TMEM154: variants seen among roughly 807,000 people sequenced by gnomAD.
TMEM154 encodes transmembrane protein 154.
Under a neutral mutation model 24.5 loss-of-function variants are expected in TMEM154, and 27 were observed. The observed-to-expected ratio is 1.10, with a 90% confidence interval of 0.81 to 1.52. The LOEUF (loss-of-function observed/expected upper bound fraction) is 1.52. Ranked by LOEUF, TMEM154 falls within the 40% of genes most tolerant of loss-of-function variation. The pLI, the probability that TMEM154 is intolerant of heterozygous loss-of-function variation, is 0.00. For synonymous variants in TMEM154, 67 were observed against 76.8 expected (o/e 0.87, Z 0.67); for missense variants, 228 against 213.4 (o/e 1.07, Z -0.43).
intron 1 of TMEM154, among the ~76,000 whole-genome samples, chr4:152,657,330 A>G (rs946830936): frequency 2.0e-5 from 3 of 151,674 alleles, no homozygotes; most frequent in Non-Finnish European, 4.4e-5. Context: ...ACTGGGCAAC[A>G]TGGCAAAACT....
chr4:152,629,672 A>C (rs1751995269), intron 6 of TMEM154, among the ~76,000 whole-genome samples: 1 of 152,146 alleles, frequency 6.6e-6, no homozygotes, highest in Non-Finnish European at 1.5e-5. Context: ...TGATCGACAG[A>C]TCTGGTATCT....
At position 152,677,289 on chromosome 4, in the gene TMEM154, GTGCTGGTCTCATGCAAC is replaced by G. The variant is rs1355840727; in HGVS notation, c.64+2564_64+2580del. On this transcript the variant is annotated intron_variant, in intron 1 of 6. Coordinates refer to ENST00000304385, the MANE Select transcript of TMEM154 (RefSeq NM_152680.3). Reference sequence around the variant, plus strand: ...AGAGGTCGCTGACTCAGAGGTAACAGTGCTGGTCTCATGCAACTGCAGATATTATCTCATGTTGCCTG... The same window carrying G: ...AGAGGTCGCTGACTCAGAGGTAACAGTGCAGATATTATCTCATGTTGCCTG... 5.3e-5 allele frequency among the ~76,000 whole-genome samples: 8 copies of G among 152,322 alleles called. 1 individual carries two copies. Among genetic ancestry groups the G allele is most frequent in the African/African-American group, 1.4e-4 (6 of 41,556 alleles).
chr4:152,655,399 C>A (rs1728470996), intron 1 of TMEM154, among the ~76,000 whole-genome samples: 1 of 152,220 alleles, frequency 6.6e-6, no homozygotes, highest in Admixed American at 6.5e-5. Context: ...GTACACTGTG[C>A]AATGGCATTG....
intron 3 of TMEM154, among the ~76,000 whole-genome samples, chr4:152,644,706 A>AT (rs559744715): frequency 8.9e-4 from 135 of 152,252 alleles, no homozygotes; most frequent in African/African-American, 3.0e-3. Flanking sequence ...ATCCGTCTTT[A>AT]TTTTTTACAT....
Position 152,622,835 on chromosome 4 carries a change from C to T in TMEM154, c.*5711G>A, listed in dbSNP as rs566154472. 1 of 152,174 alleles carries T rather than the reference C, an allele frequency of 6.6e-6. No individual in the cohort carries two copies. Among genetic ancestry groups the T allele is most frequent in the East Asian group, 1.9e-4 (1 of 5,192 alleles). 9.4% of individuals were successfully genotyped at this position (152,174 alleles called of 1,614,324 possible). ...TAGTTCTAATCCGTAGCAATGGGAC[C>T]ATTTCTTTTTCTTTTCTTTGAGACA... On this transcript the variant is annotated 3_prime_UTR_variant, in exon 7 of 7. Coordinates refer to ENST00000304385, the MANE Select transcript of TMEM154 (RefSeq NM_152680.3).
chr4:152,651,886 C>T (rs572786299), intron 3 of TMEM154, among the ~76,000 whole-genome samples: 1 of 152,228 alleles, frequency 6.6e-6, no homozygotes, highest in East Asian at 1.9e-4. Flanking sequence ...GACTCTTCTT[C>T]CATTTGAACA....
chr4:152,641,921 TTTTTTTTTTTTTTTTTG>T (rs1374684330), intron 5 of TMEM154, among the ~76,000 whole-genome samples: 22 of 122,272 alleles, frequency 1.8e-4, no homozygotes, highest in Non-Finnish European at 3.5e-4. Flanking sequence ...TTTTTTTTTT[TTTTTTTTTTTTTTTTTG>T]TTGAGATGGA....
intron 1 of TMEM154, among the ~76,000 whole-genome samples, chr4:152,673,823 G>T (rs535850873): frequency 6.6e-6 from 1 of 151,680 alleles, no homozygotes; most frequent in Non-Finnish European, 1.5e-5. Flanking sequence ...ATTTTGTTTT[G>T]TTTTGTTTTT....
chr4:152,673,003 T>C (rs1389023291), intron 1 of TMEM154, among the ~76,000 whole-genome samples: 1 of 152,224 alleles, frequency 6.6e-6, no homozygotes, highest in African/African-American at 2.4e-5. Flanking sequence ...CCATGGGTCT[T>C]AGTTTGCTGA....
At chr4:152,672,090 T>TAAAAAAA (rs11290618) in intron 1 of TMEM154, among the ~76,000 whole-genome samples, 1 of 101,918 alleles carries the variant, frequency 9.8e-6, no homozygotes, top group Non-Finnish European at 2.1e-5. Context: ...CCTATCTCTA[T>TAAAAAAA]AAAAAAAAAA....
intron 1 of TMEM154, among the ~76,000 whole-genome samples, chr4:152,665,768 G>C (rs1310955168): frequency 6.6e-6 from 1 of 151,630 alleles, no homozygotes; most frequent in Non-Finnish European, 1.5e-5. Context: ...AATAGGTCTG[G>C]GAGGGGGCCC....
rs1554013049 is a variant in TMEM154 at position 152,661,341 on chromosome 4, T to TCTCTCTCC, written c.65-8415_65-8414insGGAGAGAG. ...CTCTCTCTCTCTCTCTCTCTCTCTCTCCCCCCAACTCTATGATAGCTTCAA... is the reference window on the plus strand; with the variant it reads ...CTCTCTCTCTCTCTCTCTCTCTCTCTCTCTCTCCCCCCCCAACTCTATGATAGCTTCAA... On this transcript the variant is annotated intron_variant, in intron 1 of 6. Coordinates refer to ENST00000304385, the MANE Select transcript of TMEM154 (RefSeq NM_152680.3). 6.1e-4 allele frequency among the ~76,000 whole-genome samples: 67 copies of TCTCTCTCC among 109,228 alleles called. 1 individual carries two copies. The highest frequency in any genetic ancestry group is 2.2e-3 in the African/African-American group (65 of 28,976). 71.7% of individuals were successfully genotyped at this position (109,228 alleles called of 152,430 possible). A position where few individuals can be genotyped will look rare whatever the true frequency, so the allele number is the denominator to read the frequency against.
chr4:152,631,793 CTTTTTTTTTTTTTTTTTT>C (rs34455123), intron 6 of TMEM154, among the ~76,000 whole-genome samples: 1 of 61,356 alleles, frequency 1.6e-5, no homozygotes, highest in Non-Finnish European at 2.8e-5. Flanking sequence ...ATCTATCCCC[CTTTTTTTTTTTTTTTTTT>C]TTTTTTTTTT....
At chr4:152,635,334 TAAAAG>T (rs1490974127) in intron 6 of TMEM154, among the ~76,000 whole-genome samples, 1 of 152,206 alleles carries the variant, frequency 6.6e-6, no homozygotes, top group Non-Finnish European at 1.5e-5. Flanking sequence ...AACAAAATAA[TAAAAG>T]AGAATGAAAA....
chr4:152,661,580 A>G (rs191560964), intron 1 of TMEM154, among the ~76,000 whole-genome samples: 26 of 152,154 alleles, frequency 1.7e-4, no homozygotes, highest in African/African-American at 6.3e-4. Flanking sequence ...CATTTCCTCA[A>G]GCATAGGTGA....
intron 1 of TMEM154, among the ~76,000 whole-genome samples, chr4:152,661,289 TCTCTC>T (rs1728598279): frequency 2.2e-5 from 1 of 46,432 alleles, no homozygotes; most frequent in African/African-American, 6.6e-5. Context: ...TCTCTTTCTC[TCTCTC>T]TCTCTCTCTC....
At chr4:152,678,441 G>A (rs1015279847) in intron 1 of TMEM154, among the ~76,000 whole-genome samples, 5 of 151,924 alleles carry the variant, frequency 3.3e-5, no homozygotes, top group Non-Finnish European at 7.4e-5. Flanking sequence ...AGAGGTGGAA[G>A]GAGGATGGCT....
chr4:152,658,237 A>G (rs1264969717), intron 1 of TMEM154, among the ~76,000 whole-genome samples: 1 of 152,218 alleles, frequency 6.6e-6, no homozygotes, highest in Non-Finnish European at 1.5e-5. Flanking sequence ...AAGGCTTGAA[A>G]CAAATAAAAA....
intron 1 of TMEM154, chr4:152,668,728 A>G (rs1214698015): frequency 4.6e-5 from 7 of 152,488 alleles, no homozygotes; most frequent in African/African-American, 1.7e-4. Context: ...GTCGCCACCA[A>G]GAGTGAAGGA....
Sources: allele counts gnomAD v4.1 joint callset (sites outside exome capture counted in the v4.1 genomes callset), GRCh38; gene constraint gnomAD v4.1.1; transcripts MANE v1.5; gene names NCBI Gene and HGNC (gene_info 2026-07-23, HGNC 2026-07-21).